The following TMEM117 variants were observed in gnomAD, a reference collection of about 807,000 sequenced individuals.
The protein encoded by TMEM117 is transmembrane protein 117.
A neutral mutation model predicts 52.4 loss-of-function variants in TMEM117; 27 were observed. The observed-to-expected ratio is 0.51, with a 90% confidence interval of 0.38 to 0.71. The LOEUF (loss-of-function observed/expected upper bound fraction) is 0.71, where lower values mean the gene tolerates loss of function less well. Ranked by LOEUF, TMEM117 falls within the 30% of genes least tolerant of loss-of-function variation. The pLI, the probability that TMEM117 is intolerant of heterozygous loss-of-function variation, is 0.00. For missense variants in TMEM117, 556 were observed against 630.5 expected (o/e 0.88, Z 1.26); for synonymous variants, 215 against 206.3 (o/e 1.04, Z -0.36).
intron 6 of TMEM117, among the ~76,000 whole-genome samples, chr12:44,344,528 G>A (rs184700518): frequency 6.6e-5 from 10 of 152,134 alleles, no homozygotes; most frequent in African/African-American, 1.2e-4. Context: ...AGGTGGTCAC[G>A]CAAGGAGGTG....
chr12:44,298,790 G>C (rs893561375), intron 5 of TMEM117, among the ~76,000 whole-genome samples: 2 of 150,782 alleles, frequency 1.3e-5, no homozygotes, highest in African/African-American at 5.0e-5. Flanking sequence ...ATGAGAACAG[G>C]CTACATTATT....
chr12:44,239,731 A>T (rs1025785916), intron 5 of TMEM117, among the ~76,000 whole-genome samples: 15 of 152,244 alleles, frequency 9.9e-5, no homozygotes, highest in African/African-American at 3.6e-4. Context: ...GACAATTTAT[A>T]TGCCAGATAT....
rs1260437015 is a variant in TMEM117 at position 43,882,174 on chromosome 12, C to G, written c.277+37246C>G. ...TGTGTGAAGCTTGCATTATATTCCT[C>G]TTGCACAGTACTTCTCTAAGCAGTC... On this transcript the variant is annotated intron_variant, in intron 2 of 7. Transcript: ENST00000266534. 2.6e-5 allele frequency among the ~76,000 whole-genome samples: 4 copies of G among 152,244 alleles called. No individual in the cohort carries two copies. The East Asian group carries it at 7.7e-4, about 29-fold the overall frequency.
intron 2 of TMEM117, among the ~76,000 whole-genome samples, chr12:43,898,046 A>ACG (rs60818679): frequency 7.4e-6 from 1 of 135,952 alleles, no homozygotes; most frequent in African/African-American, 3.4e-5. Flanking sequence ...ACACACACGC[A>ACG]CGCACACACA....
chr12:44,015,568 C>T (rs2137819741), intron 3 of TMEM117, among the ~76,000 whole-genome samples: 1 of 152,168 alleles, frequency 6.6e-6, no homozygotes, highest in East Asian at 1.9e-4. Context: ...AGCAAAGATA[C>T]CTATAGGAGC....
intron 5 of TMEM117, among the ~76,000 whole-genome samples, chr12:44,235,232 T>C (rs1565621040): frequency 6.6e-6 from 1 of 151,714 alleles, no homozygotes; most frequent in Non-Finnish European, 1.5e-5. Flanking sequence ...TTGTCTGATA[T>C]TAATATAGAA....
chr12:43,854,710 C>T (rs1247462776), intron 2 of TMEM117, among the ~76,000 whole-genome samples: 1 of 152,084 alleles, frequency 6.6e-6, no homozygotes, highest in Non-Finnish European at 1.5e-5. Context: ...GATCTCGGCT[C>T]ACTGCAACCT....
intron 3 of TMEM117, among the ~76,000 whole-genome samples, chr12:44,114,595 A>C (rs967207031): frequency 1.3e-5 from 2 of 152,176 alleles, no homozygotes; most frequent in African/African-American, 4.8e-5. Flanking sequence ...GTAGCCTCTG[A>C]AAAAGTAATT....
chr12:44,158,109 G>C (rs945559369), intron 4 of TMEM117, among the ~76,000 whole-genome samples: 1 of 152,126 alleles, frequency 6.6e-6, no homozygotes, highest in Non-Finnish European at 1.5e-5. Flanking sequence ...AAACATGAAG[G>C]AAAGGGAGTT....
upstream of TMEM117, among the ~76,000 whole-genome samples, chr12:43,834,687 G>A (rs117029080): frequency 3.1e-3 from 467 of 152,244 alleles, no homozygotes; most frequent in Middle Eastern, 6.8e-3. Context: ...ATGACATTTC[G>A]GTTCTGATGA....
intron 3 of TMEM117, among the ~76,000 whole-genome samples, chr12:44,078,778 T>C (rs1326507412): frequency 2.0e-5 from 3 of 152,078 alleles, no homozygotes; most frequent in African/African-American, 4.8e-5. Flanking sequence ...GTTATATAGG[T>C]ATACACATGC....
At chr12:44,223,020 T>G (rs1026886437) in intron 5 of TMEM117, among the ~76,000 whole-genome samples, 6 of 114,946 alleles carry the variant, frequency 5.2e-5, no homozygotes, top group Non-Finnish European at 1.1e-4. Context: ...AACTTTTCCT[T>G]TTTTTTTTTT....
Position 43,967,498 on chromosome 12 carries a change from TGGG to T in TMEM117, c.410+23159_410+23161del, listed in dbSNP as rs542478407. On this transcript the variant is annotated intron_variant, in intron 3 of 7. Coordinates refer to ENST00000266534, the MANE Select transcript of TMEM117 (RefSeq NM_032256.3). ...GCCCTCTCTCTGGGAGCCCTTACTCTGGGGGAAGCAAGCTGCCACATTGTCTGT... is the reference window on the plus strand; with the variant it reads ...GCCCTCTCTCTGGGAGCCCTTACTCTGGAAGCAAGCTGCCACATTGTCTGT... 4.6e-3 allele frequency among the ~76,000 whole-genome samples: 700 copies of T among 152,252 alleles called. 5 individuals carry two copies. The highest frequency in any genetic ancestry group is 0.016 in the African/African-American group (674 of 41,538).
chr12:44,262,552 A>C (rs566233704), intron 5 of TMEM117, among the ~76,000 whole-genome samples: 3 of 152,310 alleles, frequency 2.0e-5, no homozygotes, highest in Admixed American at 6.5e-5. Context: ...AGAGTAAAAA[A>C]GTTTCATGTG....
chr12:44,120,823 G>C (rs1436402444), intron 3 of TMEM117, among the ~76,000 whole-genome samples: 2 of 152,208 alleles, frequency 1.3e-5, no homozygotes, highest in Non-Finnish European at 2.9e-5. Flanking sequence ...AGGTCCTACT[G>C]TGTGTTCCCC....
At chr12:44,049,223 A>G (rs547685412) in intron 3 of TMEM117, among the ~76,000 whole-genome samples, 44 of 152,348 alleles carry the variant, frequency 2.9e-4, no homozygotes, top group Non-Finnish European at 5.1e-4. Context: ...ACCATGGAAT[A>G]CTACGCAGCC....
intron 2 of TMEM117, among the ~76,000 whole-genome samples, chr12:43,934,972 A>G (rs935508117): frequency 1.3e-5 from 2 of 152,012 alleles, no homozygotes; most frequent in Admixed American, 6.6e-5. Flanking sequence ...AATAATTCTC[A>G]TATTTTAGTT....
chr12:44,172,504 G>A (rs963755771), intron 4 of TMEM117, among the ~76,000 whole-genome samples: 11 of 151,960 alleles, frequency 7.2e-5, no homozygotes, highest in African/African-American at 2.7e-4. Flanking sequence ...CTTCCTATTA[G>A]GACACCAGTC....
intron 3 of TMEM117, among the ~76,000 whole-genome samples, chr12:44,087,568 T>C (rs528934776): frequency 1.3e-5 from 2 of 152,196 alleles, no homozygotes; most frequent in South Asian, 4.1e-4. Context: ...GCTCTGGTGA[T>C]GGCCCCACCT....
Sources: allele counts gnomAD v4.1 joint callset (sites outside exome capture counted in the v4.1 genomes callset), GRCh38; gene constraint gnomAD v4.1.1; transcripts MANE v1.5; gene names NCBI Gene and HGNC (gene_info 2026-07-23, HGNC 2026-07-21).